Variants in PCOLCE2 observed in about 807,000 individuals in gnomAD.
PCOLCE2 encodes procollagen C-endopeptidase enhancer 2.
PCOLCE2 carries 42 observed loss-of-function variants against 47.0 expected under a neutral mutation model. The observed-to-expected ratio is 0.89, with a 90% confidence interval of 0.70 to 1.16. PCOLCE2 has a LOEUF of 1.16. Among genes scored for constraint, PCOLCE2 ranks in the 50% most tolerant of loss-of-function variants. The probability of loss-of-function intolerance (pLI) is 0.00; values close to 1 mark genes in which losing one functional copy is unlikely to be tolerated. For synonymous variants in PCOLCE2, 169 were observed against 191.7 expected (o/e 0.88, Z 0.98); for missense variants, 500 against 526.1 (o/e 0.95, Z 0.49).
intron 2 of PCOLCE2, among the ~76,000 whole-genome samples, chr3:142,875,417 G>A (rs1425574387): frequency 2.0e-5 from 3 of 152,090 alleles, no homozygotes; most frequent in Non-Finnish European, 2.9e-5. Context: ...ACAGTTTGGC[G>A]ATTCCTCAAA....
At position 142,873,952 on chromosome 3, in the gene PCOLCE2, A is replaced by T. The variant is rs570467006; in HGVS notation, c.192+13717T>A. ...GGCTCTGGGTCCCCACCCAAATCTC[A>T]TCTCAAATTGTAATCCTTACATGTT... On this transcript the variant is annotated intron_variant, in intron 2 of 8. Coordinates refer to ENST00000295992, the MANE Select transcript of PCOLCE2 (RefSeq NM_013363.4). 1.8e-4 allele frequency among the ~76,000 whole-genome samples: 27 copies of T among 152,306 alleles called. No homozygotes were observed. In the South Asian group the frequency reaches 5.6e-3, roughly 32 times the overall value.
intron 1 of PCOLCE2, 76 bp downstream of exon 1, chr3:142,888,738 G>A (rs1349666826): frequency 5.3e-5 from 49 of 925,320 alleles, no homozygotes; most frequent in Non-Finnish European, 7.2e-5. Context: ...AGCGGGTTGA[G>A]TAAAGCAGCA....
intron 2 of PCOLCE2, among the ~76,000 whole-genome samples, chr3:142,854,610 T>C (rs1000485097): frequency 1.1e-4 from 17 of 152,258 alleles, no homozygotes; most frequent in Admixed American, 7.8e-4. Context: ...TTTTTGGGGA[T>C]TTCACTAAAA....
chr3:142,856,592 G>A (rs1000768656), intron 2 of PCOLCE2, among the ~76,000 whole-genome samples: 2 of 152,184 alleles, frequency 1.3e-5, no homozygotes, highest in Non-Finnish European at 2.9e-5. Context: ...AAACGTGAAG[G>A]GACAACAAAG....
chr3:142,880,215 G>A (rs1933585029), intron 2 of PCOLCE2, among the ~76,000 whole-genome samples: 1 of 149,980 alleles, frequency 6.7e-6, no homozygotes, highest in African/African-American at 2.5e-5. Flanking sequence ...TGAGCCTAGT[G>A]CAACCAATGT....
intron 3 of PCOLCE2, among the ~76,000 whole-genome samples, chr3:142,844,326 G>A (rs1461847791): frequency 6.6e-6 from 1 of 152,088 alleles, no homozygotes; most frequent in Non-Finnish European, 1.5e-5. Context: ...CCTGCTGATG[G>A]GTGGTTTCTA....
chr3:142,886,069 T>C (rs1418965557), intron 2 of PCOLCE2, among the ~76,000 whole-genome samples: 2 of 152,206 alleles, frequency 1.3e-5, no homozygotes, highest in Non-Finnish European at 1.5e-5. Context: ...AAACTGGAAT[T>C]TGAATCCAGG....
chr3:142,870,191 T>C (rs1933359689), intron 2 of PCOLCE2, among the ~76,000 whole-genome samples: 1 of 152,206 alleles, frequency 6.6e-6, no homozygotes, highest in South Asian at 2.1e-4. Flanking sequence ...AAGTGCTTGC[T>C]AGCTTCATCA....
intron 2 of PCOLCE2, among the ~76,000 whole-genome samples, chr3:142,863,265 C>T (rs1450928937): frequency 6.6e-6 from 1 of 152,116 alleles, no homozygotes; most frequent in Non-Finnish European, 1.5e-5. Context: ...TCAAGCCCTG[C>T]AGGTACCATC....
chr3:142,824,889 A>C (rs1937056871), intron 6 of PCOLCE2, among the ~76,000 whole-genome samples: 1 of 152,152 alleles, frequency 6.6e-6, no homozygotes, highest in Admixed American at 6.5e-5. Context: ...CGGCCTCTGA[A>C]AGTGCTGGGA....
chr3:142,827,962 C>T (rs1937104435), intron 6 of PCOLCE2, among the ~76,000 whole-genome samples: 1 of 152,206 alleles, frequency 6.6e-6, no homozygotes, highest in South Asian at 2.1e-4. Context: ...ACCTCCCTGA[C>T]CTCCCTAGTC....
intron 2 of PCOLCE2, among the ~76,000 whole-genome samples, chr3:142,876,188 C>A (rs574435927): frequency 6.6e-6 from 1 of 152,216 alleles, no homozygotes; most frequent in Non-Finnish European, 1.5e-5. Flanking sequence ...ACCATTAGTG[C>A]AGGGACCTTC....
intron 2 of PCOLCE2, among the ~76,000 whole-genome samples, chr3:142,870,504 A>G (rs1020905009): frequency 2.0e-5 from 3 of 152,148 alleles, no homozygotes; most frequent in Non-Finnish European, 4.4e-5. Flanking sequence ...GAAGACTCCA[A>G]ACTCTCAGCA....
intron 2 of PCOLCE2, among the ~76,000 whole-genome samples, chr3:142,885,123 TG>T (rs1055893064): frequency 6.6e-6 from 1 of 152,224 alleles, no homozygotes; most frequent in Non-Finnish European, 1.5e-5. Flanking sequence ...GGAAGTTTGG[TG>T]GTAACAACTA....
chr3:142,818,115 G>A lies in PCOLCE2; in HGVS notation c.*220C>T. The A allele has an allele frequency of 2.3e-6, 1 of 433,798 alleles. No homozygotes were observed. The highest frequency in any genetic ancestry group is 4.1e-6 in the Non-Finnish European group (1 of 242,174). The allele number at this position is 433,798 out of a possible 1,614,324, so 26.9% of individuals were successfully genotyped here. ...TTCCTATCACCGCACTAAGTCGGCAGGTTTCCAATCAGATAGCTGCTCCTC... is the reference window on the plus strand; with the variant it reads ...TTCCTATCACCGCACTAAGTCGGCAAGTTTCCAATCAGATAGCTGCTCCTC... On this transcript the variant is annotated 3_prime_UTR_variant, in exon 9 of 9. Transcript: ENST00000295992.
chr3:142,819,377 A>G (rs370976946), intron 8 of PCOLCE2, among the ~76,000 whole-genome samples: 1 of 151,954 alleles, frequency 6.6e-6, no homozygotes, highest in African/African-American at 2.4e-5. Context: ...TTTCTCTTGC[A>G]TTTTCCTGTG....
intron 5 of PCOLCE2, among the ~76,000 whole-genome samples, chr3:142,837,460 A>G (rs1046572299): frequency 3.7e-5 from 5 of 134,018 alleles, no homozygotes; most frequent in Non-Finnish European, 5.0e-5. Context: ...ATTCTTATCA[A>G]TGTAAATGTA....
intron 6 of PCOLCE2, chr3:142,827,345 G>A (rs879153713): frequency 1.4e-6 from 2 of 1,475,574 alleles, no homozygotes; most frequent in Non-Finnish European, 1.9e-6. Flanking sequence ...GGGTTTGTCA[G>A]TTCGGCCACC....
intron 2 of PCOLCE2, among the ~76,000 whole-genome samples, chr3:142,867,838 A>G (rs1345625061): frequency 6.6e-6 from 1 of 152,226 alleles, no homozygotes; most frequent in African/African-American, 2.4e-5. Context: ...ACCTATATAT[A>G]TAAATAAATT....
Sources: gnomAD v4.1 joint callset for allele counts (sites outside exome capture counted in the v4.1 genomes callset) on GRCh38, gnomAD v4.1.1 for gene constraint, MANE v1.5 for transcripts, NCBI Gene and HGNC (gene_info 2026-07-23, HGNC 2026-07-21) for gene names.